The following TRIO variants were observed in gnomAD, a reference collection of about 807,000 sequenced individuals.
TRIO encodes trio Rho guanine nucleotide exchange factor.
Under a neutral mutation model 351.9 loss-of-function variants are expected in TRIO, and 58 were observed. That is an observed-to-expected ratio of 0.16 (90% CI 0.13 to 0.21). The LOEUF (loss-of-function observed/expected upper bound fraction) is 0.21. TRIO is among the 10% of genes least tolerant of loss of function. The pLI is 1.00. For synonymous variants in TRIO, 1,758 were observed against 1,595.7 expected (o/e 1.10, Z -2.42); for missense variants, 3,201 against 4,027.8 (o/e 0.79, Z 5.56).
chr5:14,343,309 A>G (rs1742114417), intron 11 of TRIO, among the ~76,000 whole-genome samples: 1 of 152,230 alleles, frequency 6.6e-6, no homozygotes, highest in Non-Finnish European at 1.5e-5. Flanking sequence ...TGTATCATGT[A>G]TAGATTTGTG....
At chr5:14,499,527 G>C (rs775793530) in intron 53 of TRIO, among the ~76,000 whole-genome samples, 32 of 152,294 alleles carry the variant, frequency 2.1e-4, no homozygotes, top group South Asian at 8.3e-4. Flanking sequence ...TAGACAATAA[G>C]CAGAATTTGT....
intron 34 of TRIO, among the ~76,000 whole-genome samples, chr5:14,426,449 T>C (rs941587576): frequency 6.6e-6 from 1 of 152,172 alleles, no homozygotes; most frequent in Non-Finnish European, 1.5e-5. Context: ...TAGCAAGTAT[T>C]TCCACACAGA....
At position 14,290,940 on chromosome 5, in the gene TRIO, T is replaced by C. The variant is rs1260242549; in HGVS notation, c.765T>C (p.Asn255=). The change falls in exon 5 of 57, where the codon AAT becomes AAC. Residue 255 remains asparagine, a synonymous_variant. Transcript: ENST00000344204. ...CTCAGGATTTAGAGGGGGCTCGGAA[T>C]ATGATCGAGGAACATTCTCAGCTGA... ...ELPQDLEGAR[N]MIEEHSQLKK... 6 of 1,614,154 alleles carry C rather than the reference T, an allele frequency of 3.7e-6. No individual in the cohort carries two copies. Among genetic ancestry groups the C allele is most frequent in the Non-Finnish European group, 5.1e-6 (6 of 1,180,026 alleles).
At chr5:14,268,709 G>T (rs908181968) in intron 1 of TRIO, among the ~76,000 whole-genome samples, 1 of 152,158 alleles carries the variant, frequency 6.6e-6, no homozygotes, top group East Asian at 1.9e-4. Context: ...CATTTGCCTG[G>T]GTCCCATAGC....
chr5:14,270,678 A>C (rs1431164261), intron 1 of TRIO, 147 bp from the exon 2 acceptor site: 1 of 674,264 alleles, frequency 1.5e-6, no homozygotes, highest in Non-Finnish European at 2.6e-6. Flanking sequence ...ACAGACATGG[A>C]ATTTAAATGT....
chr5:14,374,812 T>C (rs1262607629), intron 19 of TRIO, among the ~76,000 whole-genome samples: 3 of 152,120 alleles, frequency 2.0e-5, no homozygotes, highest in Non-Finnish European at 4.4e-5. Flanking sequence ...ATATAGGTTA[T>C]ATCATTTGAG....
chr5:14,275,404 A>G (rs1735405443), intron 2 of TRIO, among the ~76,000 whole-genome samples: 1 of 152,062 alleles, frequency 6.6e-6, no homozygotes, highest in Admixed American at 6.6e-5. Flanking sequence ...CATTTGTTTC[A>G]TTTTGCTTTA....
chr5:14,504,279 G>A lies in TRIO; in HGVS notation c.8412-114G>A, dbSNP rs898550359. ...CTCCGTGGAGTGGCCGGGAGAGCAG[G>A]GCCTCTGGACAGGGCTGGGCCACCA... On this transcript the variant is annotated intron_variant, in intron 54 of 56. Coordinates refer to ENST00000344204, the MANE Select transcript of TRIO (RefSeq NM_007118.4). 29 of 1,157,170 alleles carry A rather than the reference G, an allele frequency of 2.5e-5. No homozygotes were observed. In the African/African-American group the frequency reaches 4.5e-4, roughly 18 times the overall value. The allele number at this position is 1,157,170 out of a possible 1,614,324, so 71.7% of individuals were successfully genotyped here. A position where few individuals can be genotyped will look rare whatever the true frequency, so the allele number is the denominator to read the frequency against.
At chr5:14,395,040 C>T (rs73749235) in intron 28 of TRIO, among the ~76,000 whole-genome samples, 5,183 of 151,990 alleles carry the variant, frequency 0.034, 311 homozygotes, top group African/African-American at 0.12. Flanking sequence ...GCCCTAGGCT[C>T]GACAACGGGA....
intron 1 of TRIO, among the ~76,000 whole-genome samples, chr5:14,153,142 A>T (rs529483477): frequency 2.0e-5 from 3 of 152,220 alleles, no homozygotes; most frequent in African/African-American, 7.2e-5. Flanking sequence ...GTGGAATCAC[A>T]CAGATTTTCG....
chr5:14,249,958 T>C (rs1794644118), intron 1 of TRIO, among the ~76,000 whole-genome samples: 2 of 152,210 alleles, frequency 1.3e-5, no homozygotes, highest in East Asian at 1.9e-4. Flanking sequence ...CTTTCCACTT[T>C]AGCAATTATC....
chr5:14,207,269 ACACACACACACACACACACACAGCCAGG>A (rs1791520540), intron 1 of TRIO, among the ~76,000 whole-genome samples: 1 of 70,682 alleles, frequency 1.4e-5, no homozygotes, highest in Admixed American at 1.3e-4. Flanking sequence ...CTCTACACAC[ACACACACACACACACACACACAGCCAGG>A]TAGCATAGCA....
At position 14,291,049 on chromosome 5, in the gene TRIO, T is replaced by C; in HGVS notation, c.874T>C (p.Phe292Leu). 6.2e-7 allele frequency: 1 copy of C among 1,614,194 alleles called. No homozygotes were observed. Among genetic ancestry groups the C allele is most frequent in the Non-Finnish European group, 8.5e-7 (1 of 1,180,036 alleles). Residue 292 changes from phenylalanine to leucine, a missense_variant, in exon 5 of 57, where the codon TTT becomes CTT. Transcript: ENST00000344204. ...TCAGAGGATACAGAGCAGTGAAAGCTTTCCCAAAAAGAACTCAGGCTCAGG... is the reference window on the plus strand; with the variant it reads ...TCAGAGGATACAGAGCAGTGAAAGCCTTCCCAAAAAGAACTCAGGCTCAGG... ...LLQRIQSSES[F>L]PKKNSGSGNA...
Position 14,245,156 on chromosome 5 carries a change from A to G in TRIO, c.158-25669A>G, listed in dbSNP as rs1477411255. On this transcript the variant is annotated intron_variant, in intron 1 of 56. Transcript: ENST00000344204. ...CCTCTGTAAGGGTTTCACTGTTCTCAACTTTGAACATCCACTCGCCGTTCT... is the reference window on the plus strand; with the variant it reads ...CCTCTGTAAGGGTTTCACTGTTCTCGACTTTGAACATCCACTCGCCGTTCT... 2.0e-5 allele frequency among the ~76,000 whole-genome samples: 3 copies of G among 152,222 alleles called. No individual in the cohort carries two copies. The East Asian group carries it at 5.8e-4, about 29-fold the overall frequency.
At chr5:14,167,381 G>A (rs547910889) in intron 1 of TRIO, among the ~76,000 whole-genome samples, 10 of 151,848 alleles carry the variant, frequency 6.6e-5, no homozygotes, top group African/African-American at 1.9e-4. Flanking sequence ...TCTCCCCAGC[G>A]TCAAAACTTT....
chr5:14,281,436 CG>C lies in TRIO; in HGVS notation c.347+1001del, dbSNP rs1554047069. Among the ~76,000 whole-genome samples the C allele has an allele frequency of 4.4e-3, 547 of 123,882 alleles. 13 individuals are homozygous for C. Among genetic ancestry groups the C allele is most frequent in the African/African-American group, 0.014 (464 of 32,056 alleles). The allele number at this position is 123,882 out of a possible 152,430, so 81.3% of individuals were successfully genotyped here. The stretch of plus-strand genomic sequence containing the variant: ...CTAAGCCGTTAGAACCCCCCCCCCC[CG>C]CCCCGTGATCCAATTACCACCCACC... On this transcript the variant is annotated intron_variant, in intron 3 of 56. Coordinates refer to ENST00000344204, the MANE Select transcript of TRIO (RefSeq NM_007118.4).
chr5:14,264,774 C>T (rs762577753), intron 1 of TRIO, among the ~76,000 whole-genome samples: 2 of 152,192 alleles, frequency 1.3e-5, no homozygotes, highest in African/African-American at 4.8e-5. Context: ...CTGCGGGCTC[C>T]GCAGAGAAGT....
intron 34 of TRIO, among the ~76,000 whole-genome samples, chr5:14,427,120 G>A (rs1348902604): frequency 3.9e-5 from 6 of 152,162 alleles, no homozygotes. Flanking sequence ...GCCAGGGTGT[G>A]TTTCCATCAA....
intron 11 of TRIO, among the ~76,000 whole-genome samples, chr5:14,344,528 A>G (rs973899016): frequency 1.6e-4 from 24 of 152,246 alleles, no homozygotes. Flanking sequence ...CTCTAAGGAA[A>G]GTGAGACAAA....
Sources: allele counts gnomAD v4.1 joint callset (sites outside exome capture counted in the v4.1 genomes callset), GRCh38; gene constraint gnomAD v4.1.1; transcripts MANE v1.5; gene names NCBI Gene and HGNC (gene_info 2026-07-23, HGNC 2026-07-21).